The following SYT9 variants were observed in gnomAD, a reference collection of about 807,000 sequenced individuals.
The protein encoded by SYT9 is synaptotagmin-9.
Under a neutral mutation model 48.4 loss-of-function variants are expected in SYT9, and 22 were observed. The observed-to-expected ratio is 0.45, with a 90% confidence interval of 0.32 to 0.65. The LOEUF is 0.65. SYT9 is among the 30% of genes least tolerant of loss of function. The pLI, the probability that SYT9 is intolerant of heterozygous loss-of-function variation, is 0.03. For synonymous variants in SYT9, 265 were observed against 245.0 expected, an observed-to-expected ratio of 1.08 and a Z score of -0.76; for missense variants, 577 against 622.0, an observed-to-expected ratio of 0.93 and a Z score of 0.77.
chr11:7,319,192 C>CTTTTTTTTTTTTTTTTTTTTT (rs71056795), intron 3 of SYT9, among the ~76,000 whole-genome samples: 1 of 86,188 alleles, frequency 1.2e-5, no homozygotes, highest in Admixed American at 1.3e-4. Context: ...TCTTCTTTTT[C>CTTTTTTTTTTTTTTTTTTTTT]TTTTTTTTTT....
intron 3 of SYT9, among the ~76,000 whole-genome samples, chr11:7,382,228 G>A (rs1047045533): frequency 6.6e-6 from 1 of 152,204 alleles, no homozygotes; most frequent in Non-Finnish European, 1.5e-5. Flanking sequence ...TGCCTTCATT[G>A]TTCTACAGTA....
At chr11:7,284,275 C>T (rs1186044748) in intron 1 of SYT9, among the ~76,000 whole-genome samples, 2 of 152,114 alleles carry the variant, frequency 1.3e-5, no homozygotes, top group Admixed American at 6.6e-5. Flanking sequence ...ACTCTTTAAA[C>T]CTGCACAGAG....
intron 6 of SYT9, among the ~76,000 whole-genome samples, chr11:7,443,905 A>G (rs1847880061): frequency 6.6e-6 from 1 of 152,234 alleles, no homozygotes; most frequent in African/African-American, 2.4e-5. Flanking sequence ...GAATTTGGTC[A>G]TGATTGGATT....
intron 3 of SYT9, among the ~76,000 whole-genome samples, chr11:7,403,847 A>G (rs1310862352): frequency 6.6e-6 from 1 of 152,156 alleles, no homozygotes; most frequent in Non-Finnish European, 1.5e-5. Flanking sequence ...GTGAGCTGAT[A>G]GTGTTATTTA....
In SYT9 at chr11:7,458,975, G is replaced by A. The variant is rs574838487; in HGVS notation, c.1468-7817G>A. 1.2e-4 allele frequency among the ~76,000 whole-genome samples: 19 copies of A among 152,356 alleles called. No individual in the cohort carries two copies. The South Asian group carries it at 3.9e-3, about 32-fold the overall frequency. ...GGTTGGACGTGAGAATACCCATTAG[G>A]AGTCTACTGCTATAATCTAGATGGC... On this transcript the variant is annotated intron_variant, in intron 6 of 6. Coordinates refer to ENST00000318881, the MANE Select transcript of SYT9 (RefSeq NM_175733.4).
chr11:7,413,815 C>T (rs1458790152), intron 3 of SYT9, among the ~76,000 whole-genome samples: 1 of 150,200 alleles, frequency 6.7e-6, no homozygotes, highest in Non-Finnish European at 1.5e-5. Context: ...CTAAGCTGTA[C>T]TTGTACTCCT....
At chr11:7,324,797 T>C (rs1188229776) in intron 3 of SYT9, among the ~76,000 whole-genome samples, 2 of 152,032 alleles carry the variant, frequency 1.3e-5, no homozygotes, top group South Asian at 2.1e-4. Context: ...TGCTTTATGT[T>C]CTCTTACACA....
chr11:7,312,238 G>A (rs773397913), intron 2 of SYT9, among the ~76,000 whole-genome samples: 31 of 152,126 alleles, frequency 2.0e-4, no homozygotes, highest in Non-Finnish European at 3.7e-4. Context: ...ACTTTCAAAT[G>A]TGTCTGGGGG....
intron 1 of SYT9, among the ~76,000 whole-genome samples, chr11:7,263,066 C>T (rs1210858427): frequency 6.6e-6 from 1 of 152,002 alleles, no homozygotes; most frequent in African/African-American, 2.4e-5. Context: ...GTACATTTCC[C>T]GAAAGTTCAG....
intron 6 of SYT9, among the ~76,000 whole-genome samples, chr11:7,446,477 G>T (rs1168169914): frequency 6.6e-6 from 1 of 152,164 alleles, no homozygotes; most frequent in Non-Finnish European, 1.5e-5. Context: ...ACTCTCAGGA[G>T]GGCTTACTCT....
At chr11:7,454,439 C>T (rs893301426) in intron 6 of SYT9, 7 of 384,942 alleles carry the variant, frequency 1.8e-5, no homozygotes, top group Middle Eastern at 1.3e-3. Flanking sequence ...ATCCCAAGCA[C>T]GGACACAGTC....
chr11:7,426,739 T>G (rs1375573358), intron 6 of SYT9, among the ~76,000 whole-genome samples: 1 of 152,184 alleles, frequency 6.6e-6, no homozygotes. Context: ...AAAGGGTCTC[T>G]GCTTCCTCTA....
chr11:7,248,014 G>A (rs1442960412), upstream of SYT9, among the ~76,000 whole-genome samples: 1 of 151,980 alleles, frequency 6.6e-6, no homozygotes, highest in Non-Finnish European at 1.5e-5. Flanking sequence ...TTTGATTATG[G>A]TCATTCTTGC....
intron 3 of SYT9, among the ~76,000 whole-genome samples, chr11:7,391,963 G>GT (rs924857946): frequency 3.3e-4 from 50 of 150,030 alleles, no homozygotes; most frequent in Middle Eastern, 3.4e-3. Context: ...TTCTAATGAG[G>GT]TTTTTTTTTC....
At chr11:7,245,084 C>T (rs1052640991) in intron 1 of SYT9, among the ~76,000 whole-genome samples, 7 of 152,142 alleles carry the variant, frequency 4.6e-5, no homozygotes, top group Admixed American at 2.0e-4. Flanking sequence ...GTGTTCTGGA[C>T]GTGACTTGGA....
chr11:7,383,155 C>T (rs941841520), intron 3 of SYT9, among the ~76,000 whole-genome samples: 4 of 152,102 alleles, frequency 2.6e-5, no homozygotes, highest in Non-Finnish European at 5.9e-5. Flanking sequence ...TAGGTGGACC[C>T]GGCTTGGACC....
At chr11:7,272,483 T>A (rs1028868799) in intron 1 of SYT9, among the ~76,000 whole-genome samples, 5 of 150,504 alleles carry the variant, frequency 3.3e-5, no homozygotes, top group Admixed American at 1.3e-4. Flanking sequence ...TTTATTGGTG[T>A]TTTTTTTTCC....
chr11:7,418,085 A>G lies in SYT9; in HGVS notation c.1294A>G (p.Ile432Val), dbSNP rs1847285224. The G allele has an allele frequency of 6.2e-7, 1 of 1,614,094 alleles. No individual in the cohort carries two copies. The highest frequency in any genetic ancestry group is 8.5e-7 in the Non-Finnish European group (1 of 1,180,002). The change falls in exon 5 of 7, where the codon ATT becomes GTT. Residue 432 changes from isoleucine to valine, a missense_variant. Physicochemically the swap from Ile to Val is conservative, Grantham distance 29 (BLOSUM62 3). Transcript: ENST00000318881. ...AIVFDVPPEN[I>V]DQIHLSIAVM... Reference sequence around the variant, plus strand: ...AGTCTTTGATGTCCCTCCCGAGAACATTGACCAAATCCACTTGTCCATAGC... The same window carrying G: ...AGTCTTTGATGTCCCTCCCGAGAACGTTGACCAAATCCACTTGTCCATAGC...
intron 3 of SYT9, among the ~76,000 whole-genome samples, chr11:7,403,764 T>A (rs1846945509): frequency 6.6e-6 from 1 of 151,326 alleles, no homozygotes. Context: ...TTGGTGCACC[T>A]AAAAAAAAAA....
Sources: allele counts gnomAD v4.1 joint callset (sites outside exome capture counted in the v4.1 genomes callset), GRCh38; gene constraint gnomAD v4.1.1; transcripts MANE v1.5; gene names NCBI Gene and HGNC (gene_info 2026-07-23, HGNC 2026-07-21).